The following SH3RF2 variants were observed in gnomAD, a reference collection of about 807,000 sequenced individuals.
SH3RF2 encodes E3 ubiquitin-protein ligase SH3RF2.
SH3RF2 carries 43 observed loss-of-function variants against 59.0 expected under a neutral mutation model. The observed-to-expected ratio is 0.73, with a 90% confidence interval of 0.57 to 0.94. SH3RF2 has a LOEUF of 0.94. SH3RF2 is among the 40% of genes least tolerant of loss of function. The probability of loss-of-function intolerance (pLI) is 0.00; values close to 1 mark genes in which losing one functional copy is unlikely to be tolerated. For missense variants in SH3RF2, 930 were observed against 940.1 expected, an observed-to-expected ratio of 0.99 and a Z score of 0.14; for synonymous variants, 391 against 391.5, an observed-to-expected ratio of 1.00 and a Z score of 0.01.
intron 5 of SH3RF2, among the ~76,000 whole-genome samples, chr5:146,027,534 A>G (rs1761572352): frequency 6.6e-6 from 1 of 152,230 alleles, no homozygotes; most frequent in Non-Finnish European, 1.5e-5. Flanking sequence ...GGAACCTCCA[A>G]GCTAGCAGGG....
rs572790878 is a variant in SH3RF2, at chr5:146,009,814, C to A, written c.745-3933C>A. 1.1e-4 allele frequency among the ~76,000 whole-genome samples: 17 copies of A among 152,216 alleles called. No homozygotes were observed. In the East Asian group the frequency reaches 3.1e-3, roughly 28 times the overall value. ...AGAACCATATCTTCTTTAAAATTTTCTTTTTAAGAACTTTATTTATTCCTC... is the reference window on the plus strand; with the variant it reads ...AGAACCATATCTTCTTTAAAATTTTATTTTTAAGAACTTTATTTATTCCTC... On this transcript the variant is annotated intron_variant, in intron 4 of 9. Transcript: ENST00000359120.
At chr5:145,938,996 C>A (rs1240398938) in intron 2 of SH3RF2, among the ~76,000 whole-genome samples, 1 of 152,326 alleles carries the variant, frequency 6.6e-6, no homozygotes, top group South Asian at 2.1e-4. Flanking sequence ...AATTAAAAAA[C>A]CAAACAGACC....
At chr5:145,951,470 G>A (rs1455095185) in intron 2 of SH3RF2, among the ~76,000 whole-genome samples, 1 of 152,192 alleles carries the variant, frequency 6.6e-6, no homozygotes, top group Non-Finnish European at 1.5e-5. Context: ...GGGACTCAGT[G>A]AGTCTTCTAA....
intron 4 of SH3RF2, among the ~76,000 whole-genome samples, chr5:146,009,927 G>A (rs1458571628): frequency 3.9e-5 from 6 of 152,094 alleles, no homozygotes; most frequent in Non-Finnish European, 7.4e-5. Flanking sequence ...TGTGCACAAC[G>A]TGCAGGTTTG....
intron 9 of SH3RF2, among the ~76,000 whole-genome samples, chr5:146,077,179 A>C (rs1294046803): frequency 6.6e-6 from 1 of 152,098 alleles, no homozygotes; most frequent in Non-Finnish European, 1.5e-5. Flanking sequence ...GTGCAATCAA[A>C]CCACCTGCCC....
chr5:146,004,943 A>C lies in SH3RF2; in HGVS notation c.744+790A>C, dbSNP rs570666892. On this transcript the variant is annotated intron_variant, in intron 4 of 9. Coordinates refer to ENST00000359120, the MANE Select transcript of SH3RF2 (RefSeq NM_152550.4). ...ATGTTACATGTCTTTTATCACAATA[A>C]AAAATAAGTTGGACCATGTGGAACT... Among the ~76,000 whole-genome samples, 3 of 152,236 alleles carry C rather than the reference A, an allele frequency of 2.0e-5. No individual in the cohort carries two copies. In the South Asian group the frequency reaches 6.2e-4, roughly 32 times the overall value.
At chr5:145,997,450 A>T (rs1279882558) in intron 2 of SH3RF2, 3 of 1,493,984 alleles carry the variant, frequency 2.0e-6, no homozygotes, top group Non-Finnish European at 2.8e-6. Context: ...AAGGATGTTT[A>T]TGTCTTTGTG....
chr5:146,000,256 A>C lies in SH3RF2; in HGVS notation c.577A>C (p.Arg193=). 6.2e-7 allele frequency: 1 copy of C among 1,613,934 alleles called. No individual in the cohort carries two copies. Among genetic ancestry groups the C allele is most frequent in the Middle Eastern group, 1.7e-4 (1 of 6,058 alleles). ...KQLPQPPPLC[R]ALYNFDLRGK... is the part of the protein sequence containing the mutation. The stretch of plus-strand genomic sequence containing the variant: ...GCTGCCCCAGCCGCCCCCGCTCTGC[A>C]GGGCCCTCTACAACTTCGACCTACG... Residue 193 remains arginine, a synonymous_variant, in exon 3 of 10, where the codon AGG becomes CGG. Coordinates refer to ENST00000359120, the MANE Select transcript of SH3RF2 (RefSeq NM_152550.4).
chr5:146,035,746 A>C (rs1382224793), intron 5 of SH3RF2, among the ~76,000 whole-genome samples: 1 of 152,228 alleles, frequency 6.6e-6, no homozygotes, highest in Non-Finnish European at 1.5e-5. Context: ...CCTTCAGTCC[A>C]TACGAGAGGT....
intron 2 of SH3RF2, chr5:145,998,092 G>A (rs1760242111): frequency 1.2e-5 from 7 of 564,420 alleles, no homozygotes; most frequent in Non-Finnish European, 2.2e-5. Context: ...ATCATGTAAT[G>A]GGTAACTGAT....
At chr5:146,047,665 G>C in intron 5 of SH3RF2, 107 bp from the exon 6 acceptor site, 1 of 996,512 alleles carries the variant, frequency 1.0e-6, no homozygotes, top group South Asian at 1.5e-5. Context: ...AGGCATGGCT[G>C]TTGGTTTTCA....
At chr5:146,039,144 T>A (rs1322699432) in intron 5 of SH3RF2, among the ~76,000 whole-genome samples, 1 of 152,138 alleles carries the variant, frequency 6.6e-6, no homozygotes, top group Non-Finnish European at 1.5e-5. Context: ...AAAAATCAAT[T>A]CCAGGTGGAT....
At position 146,017,319 on chromosome 5, in the gene SH3RF2, T is replaced by C. The variant is rs1408994873; in HGVS notation, c.1059+3258T>C. On this transcript the variant is annotated intron_variant, in intron 5 of 9. Transcript: ENST00000359120. ...GGGAGAGTCCTGGAGACAAAGAAAA[T>C]CAACTGCACATGACACAAGTTAGAA... Among the ~76,000 whole-genome samples, 3 of 152,016 alleles carry C rather than the reference T, an allele frequency of 2.0e-5. No homozygotes were observed. The East Asian group carries it at 5.8e-4, about 29-fold the overall frequency.
intron 2 of SH3RF2, among the ~76,000 whole-genome samples, chr5:145,966,042 A>G (rs890049240): frequency 3.9e-5 from 6 of 152,226 alleles, no homozygotes; most frequent in Non-Finnish European, 8.8e-5. Flanking sequence ...TGGAGCTGTT[A>G]GAAGCCATGA....
chr5:146,056,140 C>T lies in SH3RF2; in HGVS notation c.1482C>T (p.Pro494=), dbSNP rs144888819. ...TTGTGCCCACTGCCATAGTCAACCCCGTGAGAAGCACAGCCGGCCCTGGGA... is the reference window on the plus strand; with the variant it reads ...TTGTGCCCACTGCCATAGTCAACCCTGTGAGAAGCACAGCCGGCCCTGGGA... The part of the protein sequence containing the change: ...SVFVPTAIVN[P]VRSTAGPGTL... The change falls in exon 8 of 10, where the codon CCC becomes CCT. Residue 494 remains proline, a synonymous_variant. Coordinates refer to ENST00000359120, the MANE Select transcript of SH3RF2 (RefSeq NM_152550.4). The T allele has an allele frequency of 2.6e-5, 42 of 1,614,074 alleles. No individual in the cohort carries two copies. The highest frequency in any genetic ancestry group is 5.5e-5 in the South Asian group (5 of 91,088).
chr5:146,060,514 T>C (rs1407390334), intron 9 of SH3RF2, among the ~76,000 whole-genome samples: 3 of 152,194 alleles, frequency 2.0e-5, no homozygotes, highest in Non-Finnish European at 4.4e-5. Context: ...GACTTTGGCA[T>C]TAGATGAATC....
At chr5:146,016,352 GTAGA>G (rs1273647194) in intron 5 of SH3RF2, among the ~76,000 whole-genome samples, 2 of 133,020 alleles carry the variant, frequency 1.5e-5, no homozygotes, top group African/African-American at 2.8e-5. Context: ...AGGTAGGTAA[GTAGA>G]TGGATGGATG....
intron 2 of SH3RF2, among the ~76,000 whole-genome samples, chr5:145,981,935 C>G (rs1759521586): frequency 6.6e-6 from 1 of 152,134 alleles, no homozygotes. Context: ...TTCTCATATG[C>G]ACTCAAGAAC....
chr5:146,019,558 T>G (rs1425415783), intron 5 of SH3RF2, among the ~76,000 whole-genome samples: 1 of 152,208 alleles, frequency 6.6e-6, no homozygotes, highest in Non-Finnish European at 1.5e-5. Flanking sequence ...CCTCCAGATT[T>G]TTTCTTTTTG....
Sources: allele counts gnomAD v4.1 joint callset (sites outside exome capture counted in the v4.1 genomes callset), GRCh38; gene constraint gnomAD v4.1.1; transcripts MANE v1.5; gene names NCBI Gene and HGNC (gene_info 2026-07-23, HGNC 2026-07-21).